TOP2B: variants seen among roughly 807,000 people sequenced by gnomAD.
TOP2B encodes DNA topoisomerase 2-beta.
In TOP2B, 51 loss-of-function variants were observed where a neutral mutation model predicts 193.5. The ratio of observed to expected loss-of-function variants is 0.26; its 90% CI spans 0.21 to 0.33. TOP2B has a LOEUF of 0.33. Among genes scored for constraint, TOP2B ranks in the 10% least tolerant of loss-of-function variants. The pLI is 1.00. For missense variants in TOP2B, 1,378 were observed against 1,909.3 expected (o/e 0.72, Z 5.19); for synonymous variants, 634 against 635.7 (o/e 1.00, Z 0.04).
Position 25,664,443 on chromosome 3 carries a change from C to T in TOP2B, c.-146G>A. 8.0e-7 allele frequency: 1 copy of T among 1,251,040 alleles called. No individual in the cohort carries two copies. The highest frequency in any genetic ancestry group is 1.0e-6 in the Non-Finnish European group (1 of 1,000,908). The allele number at this position is 1,251,040 out of a possible 1,614,324, so 77.5% of individuals were successfully genotyped here. A position where few individuals can be genotyped will look rare whatever the true frequency, so the allele number is the denominator to read the frequency against. ...ACCCCCGCGCCCCATCGCGAAGATC[C>T]GGAGCGGACGTCCAGCCGAGCCCGC... On this transcript the variant is annotated 5_prime_UTR_variant, in exon 1 of 36. Transcript: ENST00000264331.
At chr3:25,630,218 C>A in intron 12 of TOP2B, 64 bp from the exon 13 acceptor site, 2 of 1,519,348 alleles carry the variant, frequency 1.3e-6, no homozygotes, top group Non-Finnish European at 8.8e-7. Flanking sequence ...TCAGAAATTA[C>A]ATTTAAAAAT....
At chr3:25,650,017 CA>C (rs1342279525) in intron 1 of TOP2B, among the ~76,000 whole-genome samples, 2 of 152,108 alleles carry the variant, frequency 1.3e-5, no homozygotes, top group Non-Finnish European at 2.9e-5. Flanking sequence ...AGTCTTTTTA[CA>C]TTATCAACTG....
intron 35 of TOP2B, 51 bp downstream of exon 35, chr3:25,599,384 G>T: frequency 6.4e-7 from 1 of 1,559,206 alleles, no homozygotes; most frequent in Non-Finnish European, 8.7e-7. Flanking sequence ...GTCACTTACA[G>T]ATCTTTTTTT....
chr3:25,646,468 G>C (rs11926666), intron 1 of TOP2B, among the ~76,000 whole-genome samples: 18,758 of 152,060 alleles, frequency 0.12, 1,266 homozygotes, highest in African/African-American at 0.18. Flanking sequence ...AATTTCCAAG[G>C]TCTACAAATT....
intron 1 of TOP2B, among the ~76,000 whole-genome samples, chr3:25,650,297 A>G (rs996261922): frequency 6.6e-5 from 10 of 152,202 alleles, no homozygotes; most frequent in African/African-American, 2.2e-4. Context: ...TTGGCCCTTC[A>G]TAAAGTCAAC....
At chr3:25,629,545 T>C (rs542954137) in intron 13 of TOP2B, among the ~76,000 whole-genome samples, 45 of 152,236 alleles carry the variant, frequency 3.0e-4, no homozygotes, top group Admixed American at 1.8e-3. Flanking sequence ...CTTAAAACTA[T>C]ATATTAATAG....
At chr3:25,626,061 G>GA (rs1185354991) in intron 18 of TOP2B, among the ~76,000 whole-genome samples, 34 of 146,196 alleles carry the variant, frequency 2.3e-4, no homozygotes, top group South Asian at 1.7e-3. Flanking sequence ...AAGGTTATGA[G>GA]AAAAAAAAAA....
intron 30 of TOP2B, 113 bp downstream of exon 30, chr3:25,609,070 C>G: frequency 1.0e-6 from 1 of 970,630 alleles, no homozygotes; most frequent in Non-Finnish European, 1.4e-6. Flanking sequence ...TTCTTCCTAA[C>G]TTTAACTTCT....
intron 16 of TOP2B, 129 bp downstream of exon 16, chr3:25,627,058 G>A (rs1197428750): frequency 5.4e-6 from 4 of 741,518 alleles, no homozygotes; most frequent in East Asian, 2.6e-5. Flanking sequence ...GCATCATCTG[G>A]GGGAAAAATT....
At chr3:25,662,073 AATCT>A (rs1455058580) in intron 1 of TOP2B, among the ~76,000 whole-genome samples, 8 of 152,248 alleles carry the variant, frequency 5.3e-5, no homozygotes, top group Admixed American at 6.5e-5. Context: ...AAGCAACTGC[AATCT>A]ATTATTTGAG....
At chr3:25,631,634 G>A (rs1324144216) in intron 10 of TOP2B, among the ~76,000 whole-genome samples, 1 of 151,974 alleles carries the variant, frequency 6.6e-6, no homozygotes, top group Non-Finnish European at 1.5e-5. Flanking sequence ...GGTGAACTGT[G>A]TTGTCAAATT....
chr3:25,612,512 T>C lies in TOP2B; in HGVS notation c.3786+3A>G. ...TCTATCAATGACAAGAGGTATGTCATACCTTCTTCTTCTTCAGCAACTTTT... is the reference window on the plus strand; with the variant it reads ...TCTATCAATGACAAGAGGTATGTCACACCTTCTTCTTCTTCAGCAACTTTT... On this transcript the variant is annotated splice_donor_region_variant and intron_variant, in intron 28 of 35. Coordinates refer to ENST00000264331, the MANE Select transcript of TOP2B (RefSeq NM_001330700.2). The C allele has an allele frequency of 6.2e-7, 1 of 1,604,414 alleles. No individual in the cohort carries two copies. Among genetic ancestry groups the C allele is most frequent in the African/African-American group, 1.3e-5 (1 of 74,892 alleles).
chr3:25,647,742 C>CA lies in TOP2B; in HGVS notation c.70-2273dup, dbSNP rs889532668. Among the ~76,000 whole-genome samples the CA allele has an allele frequency of 2.0e-4, 30 of 151,872 alleles. 1 individual carries two copies. Among genetic ancestry groups the CA allele is most frequent in the South Asian group, 1.5e-3 (7 of 4,808 alleles). On this transcript the variant is annotated intron_variant, in intron 1 of 35. Transcript: ENST00000264331. ...CACCTCTTCCCAAATGGATATATTA[C>CA]AAAAAAAAGTTTGAAAGCTTGAACC...
chr3:25,626,490 T>C (rs1379287662), intron 18 of TOP2B, 70 bp downstream of exon 18: 5 of 831,286 alleles, frequency 6.0e-6, no homozygotes, highest in Non-Finnish European at 9.1e-6. Flanking sequence ...ATCATAAGGA[T>C]GGCTTAAAGT....
At chr3:25,632,410 A>C (rs1013524429) in intron 10 of TOP2B, 36 bp downstream of exon 10, 1 of 1,501,088 alleles carries the variant, frequency 6.7e-7, no homozygotes, top group African/African-American at 1.4e-5. Flanking sequence ...ATCAACTCTT[A>C]ATAACAACAA....
intron 16 of TOP2B, 109 bp downstream of exon 16, chr3:25,627,078 T>C: frequency 3.6e-6 from 3 of 823,364 alleles, no homozygotes. Context: ...TAAAATTAAC[T>C]AGCTTGAGCA....
intron 1 of TOP2B, among the ~76,000 whole-genome samples, chr3:25,658,843 G>A (rs1034822843): frequency 1.3e-5 from 2 of 152,158 alleles, no homozygotes; most frequent in Non-Finnish European, 2.9e-5. Flanking sequence ...AGATCATTCT[G>A]CAAAACAAAA....
At chr3:25,657,655 T>A (rs1033933673) in intron 1 of TOP2B, among the ~76,000 whole-genome samples, 1 of 152,240 alleles carries the variant, frequency 6.6e-6, no homozygotes, top group African/African-American at 2.4e-5. Context: ...GAAGAGTCTT[T>A]TGATTTTACC....
At chr3:25,655,811 A>G (rs1214320155) in intron 1 of TOP2B, among the ~76,000 whole-genome samples, 1 of 152,254 alleles carries the variant, frequency 6.6e-6, no homozygotes, top group Non-Finnish European at 1.5e-5. Flanking sequence ...TTACAATCAT[A>G]TAAAGTATCC....
Sources: gnomAD v4.1 joint callset for allele counts (sites outside exome capture counted in the v4.1 genomes callset) on GRCh38, gnomAD v4.1.1 for gene constraint, MANE v1.5 for transcripts, NCBI Gene and HGNC (gene_info 2026-07-23, HGNC 2026-07-21) for gene names.